The following TMOD3 variants were observed in gnomAD, a reference collection of about 807,000 sequenced individuals.
TMOD3 encodes the protein tropomodulin-3.
A neutral mutation model predicts 39.2 loss-of-function variants in TMOD3; 20 were observed. The observed-to-expected ratio is 0.51, with a 90% CI of 0.36 to 0.74. The LOEUF (loss-of-function observed/expected upper bound fraction) is 0.74. Ranked by LOEUF, TMOD3 falls within the 30% of genes least tolerant of loss-of-function variation. The pLI is 0.00. For missense variants in TMOD3, 381 were observed against 412.8 expected (o/e 0.92, Z 0.67); for synonymous variants, 143 against 145.8 (o/e 0.98, Z 0.14).
intron 1 of TMOD3, among the ~76,000 whole-genome samples, chr15:51,843,829 T>C (rs2056323628): frequency 6.6e-6 from 1 of 152,138 alleles, no homozygotes; most frequent in Non-Finnish European, 1.5e-5. Flanking sequence ...GCTGTGGAAC[T>C]TGGGAGAATA....
intron 1 of TMOD3, among the ~76,000 whole-genome samples, chr15:51,857,655 A>G (rs2056394940): frequency 6.6e-6 from 1 of 152,194 alleles, no homozygotes. Flanking sequence ...TTAAACTTAT[A>G]TCTATGTATA....
rs904610765 is a variant in TMOD3, at chr15:51,829,722, C to G, written c.-189C>G. Reference sequence around the variant, plus strand: ...CTGCTGGCGGGTGGGTCTGGCAACTCTTTGGGAGGCCGACGCGGGCGGACC... The same window carrying G: ...CTGCTGGCGGGTGGGTCTGGCAACTGTTTGGGAGGCCGACGCGGGCGGACC... On this transcript the variant is annotated 5_prime_UTR_variant, in exon 1 of 10. Transcript: ENST00000308580. 1 of 152,580 alleles carries G rather than the reference C, an allele frequency of 6.6e-6. No individual in the cohort carries two copies. Among genetic ancestry groups the G allele is most frequent in the Admixed American group, 6.5e-5 (1 of 15,288 alleles). The allele number at this position is 152,580 out of a possible 1,614,324, so 9.5% of individuals were successfully genotyped here.
At chr15:51,851,356 T>C (rs919441794) in intron 1 of TMOD3, among the ~76,000 whole-genome samples, 1 of 152,258 alleles carries the variant, frequency 6.6e-6, no homozygotes, top group Non-Finnish European at 1.5e-5. Flanking sequence ...GCGTGACAAG[T>C]TATTTGCTTG....
At chr15:51,865,755 A>G (rs954801062) in intron 2 of TMOD3, among the ~76,000 whole-genome samples, 4 of 152,174 alleles carry the variant, frequency 2.6e-5, no homozygotes, top group Admixed American at 1.3e-4. Context: ...ACTTCAGCCA[A>G]AGAAACACCA....
At chr15:51,897,757 A>G (rs2056628451) in intron 7 of TMOD3, among the ~76,000 whole-genome samples, 1 of 147,360 alleles carries the variant, frequency 6.8e-6, no homozygotes, top group African/African-American at 2.5e-5. Flanking sequence ...TGCTAGGATT[A>G]CAGGCGTGAG....
chr15:51,869,773 T>C (rs1272548125), intron 3 of TMOD3, among the ~76,000 whole-genome samples: 1 of 152,240 alleles, frequency 6.6e-6, no homozygotes, highest in Non-Finnish European at 1.5e-5. Flanking sequence ...AAAGACCCTT[T>C]TAAAAAGCTA....
intron 1 of TMOD3, among the ~76,000 whole-genome samples, chr15:51,836,917 T>C (rs1223040754): frequency 6.6e-6 from 1 of 151,948 alleles, no homozygotes; most frequent in Non-Finnish European, 1.5e-5. Flanking sequence ...ACATATACAG[T>C]GATGATAACC....
intron 3 of TMOD3, among the ~76,000 whole-genome samples, chr15:51,886,517 C>G (rs2056564495): frequency 6.6e-6 from 1 of 152,112 alleles, no homozygotes; most frequent in Non-Finnish European, 1.5e-5. Flanking sequence ...AATACAAAAA[C>G]CAGTCAGGCG....
In TMOD3 at chr15:51,887,570, A is replaced by G. The variant is rs776049867; in HGVS notation, c.284-19A>G. The G allele has an allele frequency of 6.2e-7, 1 of 1,608,046 alleles. No individual in the cohort carries two copies. The highest frequency in any genetic ancestry group is 2.2e-5 in the East Asian group (1 of 44,784). On this transcript the variant is annotated intron_variant, in intron 3 of 9. Transcript: ENST00000308580. ...TGATAGCAGTAGTAATGGAATTAAC[A>G]AAATGCTTTATTTTACAGGGAAAAT...
At chr15:51,857,203 G>A (rs2056392279) in intron 1 of TMOD3, among the ~76,000 whole-genome samples, 1 of 152,166 alleles carries the variant, frequency 6.6e-6, no homozygotes, top group Non-Finnish European at 1.5e-5. Context: ...TTGAGGGTAT[G>A]TACAAATAAG....
chr15:51,865,904 A>G, intron 2 of TMOD3, among the ~76,000 whole-genome samples: 1 of 151,540 alleles, frequency 6.6e-6, no homozygotes, highest in East Asian at 1.9e-4. Flanking sequence ...CAAAAAAAAA[A>G]TATATATATA....
chr15:51,909,909 A>G lies in TMOD3; in HGVS notation c.*1099A>G, dbSNP rs2056701490. 1 of 152,274 alleles carries G rather than the reference A, an allele frequency of 6.6e-6. No individual in the cohort carries two copies. Among genetic ancestry groups the G allele is most frequent in the South Asian group, 2.1e-4 (1 of 4,836 alleles). 9.4% of individuals were successfully genotyped at this position (152,274 alleles called of 1,614,324 possible). ...GCTATTCTTCATAAATCTAATTTTT[A>G]GTATATGCTTCCTTTCATCTTATAC... On this transcript the variant is annotated 3_prime_UTR_variant, in exon 10 of 10. Transcript: ENST00000308580.
Position 51,915,259 on chromosome 15 carries a change from A to G in TMOD3, c.*6449A>G, listed in dbSNP as rs1468408749. The G allele has an allele frequency of 6.6e-6, 1 of 152,180 alleles. No individual in the cohort carries two copies. Among genetic ancestry groups the G allele is most frequent in the Non-Finnish European group, 1.5e-5 (1 of 68,032 alleles). 9.4% of individuals were successfully genotyped at this position (152,180 alleles called of 1,614,324 possible). A position where few individuals can be genotyped will look rare whatever the true frequency, so the allele number is the denominator to read the frequency against. The stretch of plus-strand genomic sequence containing the variant: ...AGAAGTTTAAATTTCACCTCTACTC[A>G]GAAAGATAAGCTTTTGATTCAGTGG... On this transcript the variant is annotated 3_prime_UTR_variant, in exon 10 of 10. Transcript: ENST00000308580.
rs890470406 is a variant in TMOD3 at position 51,913,744 on chromosome 15, G to A, written c.*4934G>A. ...ATAAAGAATTTTGGCCAAGTACTGT[G>A]GCTTATGCCTGTAATCCTAGCACTT... On this transcript the variant is annotated 3_prime_UTR_variant, in exon 10 of 10. Coordinates refer to ENST00000308580, the MANE Select transcript of TMOD3 (RefSeq NM_014547.5). The A allele has an allele frequency of 6.6e-5, 10 of 152,148 alleles. No individual in the cohort carries two copies. The highest frequency in any genetic ancestry group is 2.4e-4 in the African/African-American group (10 of 41,424). 9.4% of individuals were successfully genotyped at this position (152,148 alleles called of 1,614,324 possible).
intron 1 of TMOD3, among the ~76,000 whole-genome samples, chr15:51,832,407 C>T (rs549043908): frequency 6.6e-6 from 1 of 151,426 alleles, no homozygotes; most frequent in Admixed American, 6.6e-5. Flanking sequence ...ATATTTTTTT[C>T]CATTCACTGG....
intron 1 of TMOD3, among the ~76,000 whole-genome samples, chr15:51,838,314 A>G (rs2056296565): frequency 1.3e-5 from 2 of 151,742 alleles, no homozygotes; most frequent in South Asian, 4.2e-4. Flanking sequence ...AGTTAATTAT[A>G]TATTTTCTTG....
At position 51,893,853 on chromosome 15, in the gene TMOD3, G is replaced by A; in HGVS notation, c.535G>A (p.Glu179Lys). Reference protein sequence around the residue: ...KGEKILPVFDEPPNPTNVEES... With the variant: ...KGEKILPVFDKPPNPTNVEES... ...TGAAAAGATTCTTCCGGTATTTGAT[G>A]AGCCACCAAATCCAACCAATGTAGA... The change falls in exon 6 of 10, where the codon GAG (glutamate) becomes AAG (lysine). Residue 179 changes from glutamate to lysine, a missense_variant. Transcript: ENST00000308580. 1 of 1,609,086 alleles carries A rather than the reference G, an allele frequency of 6.2e-7. No individual in the cohort carries two copies. Among genetic ancestry groups the A allele is most frequent in the Non-Finnish European group, 8.5e-7 (1 of 1,176,968 alleles).
intron 3 of TMOD3, among the ~76,000 whole-genome samples, chr15:51,869,582 G>A (rs1051833478): frequency 6.6e-6 from 1 of 152,102 alleles, no homozygotes; most frequent in African/African-American, 2.4e-5. Context: ...TGTTAGTGAG[G>A]TTTTATTACA....
chr15:51,902,841 CAG>C (rs942073806), intron 9 of TMOD3, among the ~76,000 whole-genome samples: 1 of 152,008 alleles, frequency 6.6e-6, no homozygotes, highest in African/African-American at 2.4e-5. Flanking sequence ...TTAGTAGAGA[CAG>C]GGTTTCACCG....
Sources: allele counts gnomAD v4.1 joint callset (sites outside exome capture counted in the v4.1 genomes callset), GRCh38; gene constraint gnomAD v4.1.1; transcripts MANE v1.5; gene names NCBI Gene and HGNC (gene_info 2026-07-23, HGNC 2026-07-21).